Variants in ABCC9 observed in about 807,000 individuals in gnomAD.
ABCC9 encodes ATP binding cassette subfamily C member 9.
Under a neutral mutation model 188.3 loss-of-function variants are expected in ABCC9, and 95 were observed. The ratio of observed to expected loss-of-function variants is 0.50; its 90% CI spans 0.43 to 0.60. The LOEUF is 0.60. ABCC9 is among the 20% of genes least tolerant of loss of function. The pLI, the probability that ABCC9 is intolerant of heterozygous loss-of-function variation, is 0.00. For synonymous variants in ABCC9, 659 were observed against 652.7 expected, an observed-to-expected ratio of 1.01 and a Z score of -0.15; for missense variants, 1,102 against 1,876.3, an observed-to-expected ratio of 0.59 and a Z score of 7.62.
intron 29 of ABCC9, among the ~76,000 whole-genome samples, chr12:21,840,300 A>G (rs752680595): frequency 3.3e-5 from 5 of 152,192 alleles, no homozygotes; most frequent in Non-Finnish European, 2.9e-5. Context: ...CAACATCTAG[A>G]AGGATCCTTG....
In ABCC9 at chr12:21,848,225, T is replaced by G; in HGVS notation, c.2791A>C (p.Thr931Pro). ...LEKDMEADQT[T>P]LERKTLRRAM... ...CGTCGGAGAGTTTTCCTCTCTAAAG[T>G]AGTTTGGTCAGCTTCCATATCCTGC... The change falls in exon 25 of 40, where the codon ACT becomes CCT. Residue 931 changes from threonine (T) to proline (P), a missense_variant. By Grantham distance (38) the Thr-to-Pro change is conservative. Transcript: ENST00000261200. 1 of 1,613,502 alleles carries G rather than the reference T, an allele frequency of 6.2e-7. No homozygotes were observed. The highest frequency in any genetic ancestry group is 8.5e-7 in the Non-Finnish European group (1 of 1,179,562).
At chr12:21,932,479 A>G (rs182294601) in intron 4 of ABCC9, among the ~76,000 whole-genome samples, 309 of 152,182 alleles carry the variant, frequency 2.0e-3, no homozygotes, top group Middle Eastern at 3.4e-3. Context: ...GAGTAAAAAG[A>G]CAACCTACAA....
chr12:21,814,820 T>A, intron 34 of ABCC9, 98 bp from the exon 35 acceptor site: 1 of 899,004 alleles, frequency 1.1e-6, no homozygotes, highest in Non-Finnish European at 1.8e-6. Flanking sequence ...ATGATAAAAC[T>A]GTAATTATGT....
intron 22 of ABCC9, among the ~76,000 whole-genome samples, chr12:21,853,573 T>C (rs903734907): frequency 6.6e-6 from 1 of 152,128 alleles, no homozygotes; most frequent in African/African-American, 2.4e-5. Context: ...GAAAATAATT[T>C]AAGAACTCAC....
intron 4 of ABCC9, among the ~76,000 whole-genome samples, chr12:21,928,454 GAGGAAGAAAGGAAGGAAGGAAGGA>G (rs1019377090): frequency 2.8e-5 from 4 of 144,070 alleles, no homozygotes; most frequent in African/African-American, 1.0e-4. Flanking sequence ...AGAAGGGAGG[GAGGAAGAAAGGAAGGAAGGAAGGA>G]AGGAAACCAA....
intron 22 of ABCC9, 114 bp downstream of exon 22, chr12:21,859,472 G>A (rs562129918): frequency 7.7e-6 from 8 of 1,038,812 alleles, no homozygotes; most frequent in Admixed American, 3.4e-5. Context: ...TATACTTTAC[G>A]ATTTCACAAG....
rs755744406 is a variant in ABCC9 at position 21,845,598 on chromosome 12, TG to T, written c.3096+4del. 9 of 1,612,078 alleles carry T rather than the reference TG, an allele frequency of 5.6e-6. No individual in the cohort carries two copies. In the South Asian group the frequency reaches 9.9e-5, roughly 18 times the overall value. ...GATTTAAAAACAAAACCGAACCAAT[TG>T]TACCTGATCAGCTTTTCCAGTATTG... On this transcript the variant is annotated splice_donor_region_variant and intron_variant, in intron 26 of 39. Coordinates refer to ENST00000261200, the MANE Select transcript of ABCC9 (RefSeq NM_020297.4).
intron 12 of ABCC9, among the ~76,000 whole-genome samples, chr12:21,901,648 T>G (rs1025596732): frequency 3.3e-5 from 5 of 152,072 alleles, no homozygotes; most frequent in Non-Finnish European, 7.4e-5. Context: ...AGGCAGAGGT[T>G]GCAATCCTAG....
intron 12 of ABCC9, among the ~76,000 whole-genome samples, chr12:21,900,124 G>C (rs146375843): frequency 0.024 from 3,685 of 152,270 alleles, 134 homozygotes; most frequent in African/African-American, 0.084. Flanking sequence ...CCAGAGGACC[G>C]ATCAGGCAGC....
intron 13 of ABCC9, among the ~76,000 whole-genome samples, chr12:21,894,647 T>C (rs1246363634): frequency 6.6e-6 from 1 of 151,976 alleles, no homozygotes; most frequent in Non-Finnish European, 1.5e-5. Context: ...TATCACTTCA[T>C]TGCCCAGGCT....
Position 21,806,043 on chromosome 12 carries a change from T to C in ABCC9, c.4467A>G (p.Lys1489=). The change falls in exon 39 of 40, where the codon AAA becomes AAG. Residue 1489 remains lysine, a synonymous_variant. Coordinates refer to ENST00000261200, the MANE Select transcript of ABCC9 (RefSeq NM_020297.4). ...GGTCTGCAAAGGCTGTCATTACTAC[T>C]TTTTGCAAAATATTCTCCTGCAAAA... ...IDMATENILQ[K]VVMTAFADRT... is the part of the protein sequence containing the mutation. 1 of 1,613,674 alleles carries C rather than the reference T, an allele frequency of 6.2e-7. No homozygotes were observed. Among genetic ancestry groups the C allele is most frequent in the Non-Finnish European group, 8.5e-7 (1 of 1,179,784 alleles).
chr12:21,897,790 T>C (rs964653747), intron 12 of ABCC9, among the ~76,000 whole-genome samples: 12 of 152,074 alleles, frequency 7.9e-5, no homozygotes, highest in Non-Finnish European at 2.9e-5. Context: ...GATAATGTAT[T>C]TTCCCCCTCA....
chr12:21,934,444 G>A (rs944816091), intron 3 of ABCC9, among the ~76,000 whole-genome samples: 1 of 152,044 alleles, frequency 6.6e-6, no homozygotes, highest in Non-Finnish European at 1.5e-5. Flanking sequence ...TCAACAAGTA[G>A]TACTGATACT....
chr12:21,844,603 C>T (rs1344038968), intron 27 of ABCC9, 51 bp from the exon 28 acceptor site: 3 of 1,579,948 alleles, frequency 1.9e-6, no homozygotes, highest in Non-Finnish European at 2.6e-6. Flanking sequence ...TATTTGGAAC[C>T]TGGGCATTGC....
chr12:21,913,194 TTAA>T, intron 7 of ABCC9, 128 bp from the exon 8 acceptor site: 1 of 795,102 alleles, frequency 1.3e-6, no homozygotes, highest in South Asian at 1.9e-5. Context: ...AAAATTGATG[TTAA>T]TGTGTGCCTT....
chr12:21,872,117 T>G (rs1427991581), intron 18 of ABCC9, among the ~76,000 whole-genome samples: 3 of 152,188 alleles, frequency 2.0e-5, no homozygotes, highest in Non-Finnish European at 4.4e-5. Context: ...ATTGCACTAA[T>G]CAAAGCTATT....
chr12:21,918,957 T>C (rs1385387642), intron 5 of ABCC9, among the ~76,000 whole-genome samples: 1 of 152,128 alleles, frequency 6.6e-6, no homozygotes, highest in Non-Finnish European at 1.5e-5. Flanking sequence ...ATAATCCACA[T>C]GTTAAAGAAG....
intron 10 of ABCC9, among the ~76,000 whole-genome samples, chr12:21,909,316 A>G (rs180756245): frequency 1.3e-5 from 2 of 151,966 alleles, no homozygotes; most frequent in East Asian, 3.9e-4. Flanking sequence ...AAGGCAAACA[A>G]TAAGTTAAAA....
At position 21,893,309 on chromosome 12, in the gene ABCC9, T is replaced by C. The variant is rs548680917; in HGVS notation, c.1802+723A>G. Among the ~76,000 whole-genome samples the C allele has an allele frequency of 7.2e-5, 11 of 152,342 alleles. No homozygotes were observed. The East Asian group carries it at 2.1e-3, about 29-fold the overall frequency. On this transcript the variant is annotated intron_variant, in intron 14 of 39. Coordinates refer to ENST00000261200, the MANE Select transcript of ABCC9 (RefSeq NM_020297.4). ...AAATGAGCAAAATACAAAATGGTTT[T>C]ACAATTCTTAACCATTTTCAGAGAC...
Sources: allele counts gnomAD v4.1 joint callset (sites outside exome capture counted in the v4.1 genomes callset), GRCh38; gene constraint gnomAD v4.1.1; transcripts MANE v1.5; gene names NCBI Gene and HGNC (gene_info 2026-07-23, HGNC 2026-07-21).